The following LYPD6 variants were observed in gnomAD, a reference collection of about 807,000 sequenced individuals.
The protein encoded by LYPD6 is ly6/PLAUR domain-containing protein 6.
Under a neutral mutation model 22.7 loss-of-function variants are expected in LYPD6, and 15 were observed. The observed-to-expected ratio is 0.66, with a 90% CI of 0.44 to 1.02. The LOEUF is 1.02. Ranked by LOEUF, LYPD6 falls within the 50% of genes least tolerant of loss-of-function variation. LYPD6 has a pLI of 0.00. For synonymous variants in LYPD6, 72 were observed against 77.5 expected, an observed-to-expected ratio of 0.93 and a Z score of 0.37; for missense variants, 189 against 208.4, an observed-to-expected ratio of 0.91 and a Z score of 0.57.
At chr2:149,482,427 C>T in the LYPD6 span, among the ~76,000 whole-genome samples, 8 of 152,228 alleles carry the variant, frequency 5.3e-5, no homozygotes, top group South Asian at 8.3e-4. Context: ...AAGCATTTGA[C>T]GAAGAAGGTA....
intron 1 of LYPD6, among the ~76,000 whole-genome samples, chr2:149,340,989 A>G (rs746076070): frequency 3.5e-5 from 5 of 141,576 alleles, no homozygotes; most frequent in African/African-American, 5.3e-5. Flanking sequence ...TTCACTTTCA[A>G]GTGTTCTAAA....
intron 1 of LYPD6, among the ~76,000 whole-genome samples, chr2:149,382,390 G>A (rs1039378785): frequency 6.6e-6 from 1 of 152,044 alleles, no homozygotes; most frequent in African/African-American, 2.4e-5. Context: ...TTTTTAGGTG[G>A]AAATATTTTC....
At chr2:149,353,418 C>T (rs1259458795) in intron 1 of LYPD6, among the ~76,000 whole-genome samples, 1 of 152,098 alleles carries the variant, frequency 6.6e-6, no homozygotes, top group Non-Finnish European at 1.5e-5. Flanking sequence ...AATTGATTAG[C>T]CTTTAAGGCT....
At chr2:149,452,210 A>G (rs1680842650) in intron 3 of LYPD6, among the ~76,000 whole-genome samples, 1 of 152,130 alleles carries the variant, frequency 6.6e-6, no homozygotes, top group African/African-American at 2.4e-5. Context: ...TAGGGACCCA[A>G]AATAGTGGAG....
At chr2:149,367,752 A>G (rs948159716) in intron 1 of LYPD6, 4 of 152,244 alleles carry the variant, frequency 2.6e-5, no homozygotes, top group African/African-American at 9.6e-5. Context: ...CACATAAAGA[A>G]CAACCTCCTT....
In LYPD6 at chr2:149,333,984, C is replaced by A. The variant is rs75725222; in HGVS notation, c.-72+3262C>A. Among the ~76,000 whole-genome samples, 1,257 of 152,124 alleles carry A rather than the reference C, an allele frequency of 8.3e-3. 22 individuals are homozygous for A. The highest frequency in any genetic ancestry group is 0.028 in the African/African-American group (1,176 of 41,496). ...GTTAGGGAAGAAATGAAAAGAAATA[C>A]TTAATTTACCCATAAGAAAGTGGGA... On this transcript the variant is annotated intron_variant, in intron 1 of 4. Coordinates refer to ENST00000334166, the MANE Select transcript of LYPD6 (RefSeq NM_194317.5).
intron 1 of LYPD6, among the ~76,000 whole-genome samples, chr2:149,432,812 T>G (rs1224165228): frequency 2.0e-5 from 3 of 152,226 alleles, no homozygotes; most frequent in Non-Finnish European, 2.9e-5. Context: ...GAGAACATTC[T>G]GTTTCATATT....
At chr2:149,377,185 C>T (rs1032537068) in intron 1 of LYPD6, among the ~76,000 whole-genome samples, 1 of 150,764 alleles carries the variant, frequency 6.6e-6, no homozygotes, top group Non-Finnish European at 1.5e-5. Context: ...GTAGATGACT[C>T]TTTTCTTTCT....
chr2:149,449,270 T>C, intron 3 of LYPD6, 123 bp downstream of exon 3: 1 of 605,990 alleles, frequency 1.7e-6, no homozygotes, highest in Non-Finnish European at 2.9e-6. Flanking sequence ...TGTCTAAGGC[T>C]ATTAGATCTT....
At position 149,470,749 on chromosome 2, in the gene LYPD6, A is replaced by G. The variant is rs768084276; in HGVS notation, c.415A>G (p.Thr139Ala). The change falls in exon 5 of 5, where the codon ACA (threonine) becomes GCA (alanine). Residue 139 changes from threonine to alanine, a missense_variant. Transcript: ENST00000334166. Reference protein sequence around the residue: ...LPLPRNETDATFATTSPINQT... With the variant: ...LPLPRNETDAAFATTSPINQT... ...ACTGCCCCGAAATGAAACTGATGCC[A>G]CATTTGCCACGACGTCACCTATAAA... 137 of 1,613,740 alleles carry G rather than the reference A, an allele frequency of 8.5e-5. No homozygotes were observed. Among genetic ancestry groups the G allele is most frequent in the Non-Finnish European group, 1.1e-4 (128 of 1,179,812 alleles).
intron 1 of LYPD6, among the ~76,000 whole-genome samples, chr2:149,424,726 G>A (rs1303007823): frequency 1.3e-5 from 2 of 152,158 alleles, no homozygotes; most frequent in Non-Finnish European, 2.9e-5. Flanking sequence ...GAAGCAGCGT[G>A]GTGCACTAGA....
At chr2:149,432,637 G>C (rs1343134124) in intron 1 of LYPD6, among the ~76,000 whole-genome samples, 1 of 152,154 alleles carries the variant, frequency 6.6e-6, no homozygotes, top group South Asian at 2.1e-4. Flanking sequence ...TACCGTTGTG[G>C]TGTCATTTGA....
chr2:149,392,297 A>AT (rs1682328694), intron 1 of LYPD6, among the ~76,000 whole-genome samples: 3 of 152,334 alleles, frequency 2.0e-5, no homozygotes, highest in East Asian at 3.9e-4. Context: ...CATTCAGTAC[A>AT]TAGCATAATG....
chr2:149,388,933 T>C (rs890124524), intron 1 of LYPD6, among the ~76,000 whole-genome samples: 1 of 152,192 alleles, frequency 6.6e-6, no homozygotes, highest in African/African-American at 2.4e-5. Context: ...TCTCCTTTCC[T>C]GGATGGACTG....
chr2:149,375,590 C>A (rs929082160), intron 1 of LYPD6, among the ~76,000 whole-genome samples: 2 of 152,120 alleles, frequency 1.3e-5, no homozygotes, highest in African/African-American at 4.8e-5. Flanking sequence ...GGGGTTCTCC[C>A]AACATTTTCT....
intron 1 of LYPD6, among the ~76,000 whole-genome samples, chr2:149,418,299 C>A (rs143442439): frequency 6.6e-6 from 1 of 152,140 alleles, no homozygotes; most frequent in African/African-American, 2.4e-5. Context: ...GTGCAAGCTG[C>A]GATTCGATCA....
chr2:149,468,713 T>C lies in LYPD6; in HGVS notation c.286T>C (p.Cys96Arg), dbSNP rs142731913. Residue 96 changes from cysteine to arginine, a missense_variant, in exon 4 of 5, where the codon TGT becomes CGT. Transcript: ENST00000334166. The part of the protein sequence containing the change: ...TGNSISVTKR[C>R]VPLEECLSTG... Reference sequence around the variant, plus strand: ...AAACAGTATCTCAGTCACCAAACGCTGTGTCCCACTGGAAGAGTGCTTATC... The same window carrying C: ...AAACAGTATCTCAGTCACCAAACGCCGTGTCCCACTGGAAGAGTGCTTATC... 2 of 1,613,636 alleles carry C rather than the reference T, an allele frequency of 1.2e-6. No individual in the cohort carries two copies. The highest frequency in any genetic ancestry group is 1.3e-5 in the African/African-American group (1 of 74,882).
intron 3 of LYPD6, among the ~76,000 whole-genome samples, chr2:149,461,789 T>A (rs912661424): frequency 6.6e-6 from 1 of 151,978 alleles, no homozygotes; most frequent in Non-Finnish European, 1.5e-5. Flanking sequence ...GTTAATAGGC[T>A]AAAGATGAAA....
At chr2:149,343,011 AC>A (rs1235688201) in intron 1 of LYPD6, among the ~76,000 whole-genome samples, 1 of 152,244 alleles carries the variant, frequency 6.6e-6, no homozygotes, top group Non-Finnish European at 1.5e-5. Context: ...AAAGACATGT[AC>A]TGTCTATAAT....
Sources: gnomAD v4.1 joint callset for allele counts (sites outside exome capture counted in the v4.1 genomes callset) on GRCh38, gnomAD v4.1.1 for gene constraint, MANE v1.5 for transcripts, NCBI Gene and HGNC (gene_info 2026-07-23, HGNC 2026-07-21) for gene names.